Variants in PTGFR observed in about 807,000 individuals in gnomAD.
PTGFR encodes the protein prostaglandin F receptor.
In PTGFR, 15 loss-of-function variants were observed where a neutral mutation model predicts 26.2. That is an observed-to-expected ratio of 0.57 (90% CI 0.38 to 0.88). The LOEUF (loss-of-function observed/expected upper bound fraction) is 0.88. Ranked by LOEUF, PTGFR falls within the 40% of genes least tolerant of loss-of-function variation. The pLI is 0.00. For missense variants in PTGFR, 369 were observed against 427.2 expected (o/e 0.86, Z 1.20); for synonymous variants, 165 against 151.1 (o/e 1.09, Z -0.68).
Position 78,539,344 on chromosome 1 carries a change from A to G in PTGFR, c.*2657A>G, listed in dbSNP as rs1274374918. The G allele has an allele frequency of 1.3e-5, 2 of 152,286 alleles. No homozygotes were observed. The highest frequency in any genetic ancestry group is 2.9e-5 in the Non-Finnish European group (2 of 67,994). 9.4% of individuals were successfully genotyped at this position (152,286 alleles called of 1,614,324 possible). On this transcript the variant is annotated 3_prime_UTR_variant, in exon 3 of 3. Transcript: ENST00000370757. ...CCTACTCTGAGTTTAGAACCCAAAT[A>G]AGAGGACTTGTTAAATATAGAGTGT...
chr1:78,536,501 C>A lies in PTGFR; in HGVS notation c.894C>A (p.Ile298=). Residue 298 remains isoleucine, a synonymous_variant, in exon 3 of 3, where the codon ATC becomes ATA. Transcript: ENST00000370757. ...FALRMATWNQ[I]LDPWVYILLR... ...TCCGAATGGCAACATGGAATCAAAT[C>A]TTAGATCCTTGGGTATATATTCTTC... 6.2e-7 allele frequency: 1 copy of A among 1,613,106 alleles called. No individual in the cohort carries two copies.
At chr1:78,514,085 T>C (rs966965397) in intron 2 of PTGFR, among the ~76,000 whole-genome samples, 3 of 151,848 alleles carry the variant, frequency 2.0e-5, no homozygotes, top group African/African-American at 7.3e-5. Context: ...AGAGGGAAAA[T>C]TTTGGATTGG....
chr1:78,519,758 C>A (rs1307348473), intron 2 of PTGFR, among the ~76,000 whole-genome samples: 1 of 152,070 alleles, frequency 6.6e-6, no homozygotes, highest in Non-Finnish European at 1.5e-5. Flanking sequence ...TATGTTTAAT[C>A]TATGCCAAGC....
intron 2 of PTGFR, among the ~76,000 whole-genome samples, chr1:78,531,964 T>G (rs1052189630): frequency 3.3e-5 from 5 of 151,982 alleles, no homozygotes; most frequent in African/African-American, 4.8e-5. Flanking sequence ...GTGTCACACA[T>G]AATGGCTGTA....
chr1:78,521,819 G>A (rs1190150201), intron 2 of PTGFR, among the ~76,000 whole-genome samples: 2 of 151,994 alleles, frequency 1.3e-5, no homozygotes, highest in African/African-American at 4.8e-5. Context: ...GTAGGTTTTT[G>A]ATCTACTATA....
rs1488117147 is a variant in PTGFR, at chr1:78,536,902, A to G, written c.*215A>G. ...TTTTTGCCAATGGGAGGTAGACACA[A>G]TAAAATAATGCCATGGGAGTCACAC... On this transcript the variant is annotated 3_prime_UTR_variant, in exon 3 of 3. Coordinates refer to ENST00000370757, the MANE Select transcript of PTGFR (RefSeq NM_000959.4). 1 of 548,644 alleles carries G rather than the reference A, an allele frequency of 1.8e-6. No homozygotes were observed. The highest frequency in any genetic ancestry group is 3.1e-6 in the Non-Finnish European group (1 of 323,020). 34.0% of individuals were successfully genotyped at this position (548,644 alleles called of 1,614,324 possible).
At position 78,524,906 on chromosome 1, in the gene PTGFR, ATTTTTTTTTT is replaced by A. The variant is rs35641651; in HGVS notation, c.799-11475_799-11466del. Among the ~76,000 whole-genome samples, 650 of 70,540 alleles carry A rather than the reference ATTTTTTTTTT, an allele frequency of 9.2e-3. 6 individuals are homozygous for A. The highest frequency in any genetic ancestry group is 0.027 in the African/African-American group (547 of 20,102). 46.3% of individuals were successfully genotyped at this position (70,540 alleles called of 152,430 possible). A position where few individuals can be genotyped will look rare whatever the true frequency, so the allele number is the denominator to read the frequency against. On this transcript the variant is annotated intron_variant, in intron 2 of 2. Transcript: ENST00000370757. The stretch of plus-strand genomic sequence containing the variant: ...GCTCTACACTTTGGACAAATGCAAG[ATTTTTTTTTT>A]TTTTTTTTTTTTTTTTTTTTTTTTA...
At chr1:78,513,985 T>C (rs1169522859) in intron 2 of PTGFR, among the ~76,000 whole-genome samples, 1 of 152,188 alleles carries the variant, frequency 6.6e-6, no homozygotes. Context: ...CTGCCTAGAT[T>C]TTAGAGGATG....
At chr1:78,532,569 C>A (rs1440509984) in intron 2 of PTGFR, among the ~76,000 whole-genome samples, 1 of 148,706 alleles carries the variant, frequency 6.7e-6, no homozygotes, top group Admixed American at 6.7e-5. Flanking sequence ...CACACATATA[C>A]CTTTTTGTTT....
In PTGFR at chr1:78,536,638, T is replaced by G. The variant is rs35425451; in HGVS notation, c.1031T>G (p.Val344Gly). Residue 344 changes from valine (V) to glycine (G), a missense_variant, in exon 3 of 3, where the codon GTT becomes GGT. Transcript: ENST00000370757. ...AGTTCCATTAAAAATTCCTTAAAGG[T>G]TGCTGCTATTTCTGAGTCACCAGTT... The part of the protein sequence containing the change: ...ELSSIKNSLK[V>G]AAISESPVAE... The G allele has an allele frequency of 1.7e-5, 28 of 1,613,034 alleles. No individual in the cohort carries two copies. The East Asian group carries it at 5.8e-4, about 33-fold the overall frequency.
intron 2 of PTGFR, among the ~76,000 whole-genome samples, chr1:78,525,478 G>A (rs187463797): frequency 6.6e-6 from 1 of 152,190 alleles, no homozygotes; most frequent in East Asian, 1.9e-4. Context: ...CAAACACTGA[G>A]CTTCCATGTC....
chr1:78,504,034 G>A (rs1649769464), intron 2 of PTGFR, among the ~76,000 whole-genome samples: 2 of 152,104 alleles, frequency 1.3e-5, no homozygotes, highest in South Asian at 4.1e-4. Flanking sequence ...GTGGTATGAG[G>A]GTGAAGAGAG....
At position 78,537,405 on chromosome 1, in the gene PTGFR, T is replaced by C. The variant is rs762558012; in HGVS notation, c.*718T>C. The C allele has an allele frequency of 2.0e-5, 3 of 152,168 alleles. No individual in the cohort carries two copies. Among genetic ancestry groups the C allele is most frequent in the Non-Finnish European group, 2.9e-5 (2 of 68,016 alleles). 9.4% of individuals were successfully genotyped at this position (152,168 alleles called of 1,614,324 possible). On this transcript the variant is annotated 3_prime_UTR_variant, in exon 3 of 3. Transcript: ENST00000370757. Reference sequence around the variant, plus strand: ...ATAATTATTTTTTCTCTGAAAATTTTGTGTGTGATTGCACAATAAATAATT... The same window carrying C: ...ATAATTATTTTTTCTCTGAAAATTTCGTGTGTGATTGCACAATAAATAATT...
chr1:78,511,120 G>T (rs1649957929), intron 2 of PTGFR, among the ~76,000 whole-genome samples: 1 of 152,164 alleles, frequency 6.6e-6, no homozygotes, highest in Admixed American at 6.5e-5. Flanking sequence ...GGTGCAATCT[G>T]CAAGTGGCTG....
rs754322857 is a variant in PTGFR at position 78,493,257 on chromosome 1, C to T, written c.514C>T (p.Leu172Phe). Residue 172 changes from leucine to phenylalanine, a missense_variant, in exon 2 of 3, where the codon CTT becomes TTT. Leu to Phe is a conservative substitution (Grantham distance 22). Coordinates refer to ENST00000370757, the MANE Select transcript of PTGFR (RefSeq NM_000959.4). ...FAVFIALLPI[L>F]GHRDYKIQAS... ...TGTTTTCATAGCTTTGCTGCCCATC[C>T]TTGGACATCGAGACTATAAAATTCA... The T allele has an allele frequency of 2.5e-5, 40 of 1,614,118 alleles. No homozygotes were observed. Among genetic ancestry groups the T allele is most frequent in the Non-Finnish European group, 3.4e-5 (40 of 1,179,996 alleles).
chr1:78,501,784 C>A (rs1320144823), intron 2 of PTGFR, among the ~76,000 whole-genome samples: 1 of 152,118 alleles, frequency 6.6e-6, no homozygotes, highest in Non-Finnish European at 1.5e-5. Flanking sequence ...TTAGCTATGA[C>A]CTTAGAGTTA....
rs142920172 is a variant in PTGFR at position 78,539,795 on chromosome 1, G to A, written c.*3108G>A. ...AGAAGGACCATATAAAACTTGAAACGCTTGAACCTAAACTCCCGTTTTATC... is the reference window on the plus strand; with the variant it reads ...AGAAGGACCATATAAAACTTGAAACACTTGAACCTAAACTCCCGTTTTATC... On this transcript the variant is annotated 3_prime_UTR_variant, in exon 3 of 3. Transcript: ENST00000370757. 967 of 152,458 alleles carry A rather than the reference G, an allele frequency of 6.3e-3. 4 individuals are homozygous for A. The highest frequency in any genetic ancestry group is 0.02 in the Middle Eastern group (6 of 294). The allele number at this position is 152,458 out of a possible 1,614,324, so 9.4% of individuals were successfully genotyped here.
intron 2 of PTGFR, among the ~76,000 whole-genome samples, chr1:78,530,424 A>G (rs1650476098): frequency 6.6e-6 from 1 of 152,192 alleles, no homozygotes; most frequent in South Asian, 2.1e-4. Context: ...ATATTGGATG[A>G]GAGTGTGCTA....
chr1:78,522,731 G>A (rs1157576493), intron 2 of PTGFR, among the ~76,000 whole-genome samples: 2 of 152,012 alleles, frequency 1.3e-5, no homozygotes, highest in African/African-American at 2.4e-5. Flanking sequence ...AACTAAGAAC[G>A]CATGACTGTA....
Sources: gnomAD v4.1 joint callset for allele counts (sites outside exome capture counted in the v4.1 genomes callset) on GRCh38, gnomAD v4.1.1 for gene constraint, MANE v1.5 for transcripts, NCBI Gene and HGNC (gene_info 2026-07-23, HGNC 2026-07-21) for gene names.